B9D1: variants seen among roughly 807,000 people sequenced by gnomAD.
B9D1 encodes B9 domain-containing protein 1.
In B9D1, 20 loss-of-function variants were observed where a neutral mutation model predicts 26.1. That is an observed-to-expected ratio of 0.77 (90% CI 0.54 to 1.12). B9D1 has a LOEUF of 1.12. Ranked by LOEUF, B9D1 falls within the 50% of genes most tolerant of loss-of-function variation. B9D1 has a pLI of 0.00. For synonymous variants in B9D1, 105 were observed against 103.1 expected (o/e 1.02, Z -0.11); for missense variants, 260 against 273.7 (o/e 0.95, Z 0.35).
downstream of B9D1, among the ~76,000 whole-genome samples, chr17:19,340,219 G>T (rs1176936090): frequency 6.6e-6 from 1 of 152,096 alleles, no homozygotes; most frequent in Non-Finnish European, 1.5e-5. Context: ...CGCCCCGGCT[G>T]GAGTGCAGTG....
chr17:19,344,633 G>C (rs1197514644), intron 5 of B9D1: 1 of 178,550 alleles, frequency 5.6e-6, no homozygotes, highest in Non-Finnish European at 1.2e-5. Context: ...CAGCTCCCAA[G>C]GTCCCCCCAC....
intron 1 of B9D1, among the ~76,000 whole-genome samples, chr17:19,369,260 G>A (rs937064619): frequency 1.3e-5 from 2 of 152,168 alleles, no homozygotes; most frequent in Non-Finnish European, 2.9e-5. Context: ...TCCAGGCAAA[G>A]AGCATAGTCG....
rs1911820397 is a variant in B9D1 at position 19,370,138 on chromosome 17, C to T, written c.-298+7721G>A. 6.6e-6 allele frequency among the ~76,000 whole-genome samples: 1 copy of T among 152,242 alleles called. No individual in the cohort carries two copies. Among genetic ancestry groups the T allele is most frequent in the Non-Finnish European group, 1.5e-5 (1 of 68,032 alleles). ...CGACGGCCACCTCCCATCGCCCTTT[C>T]ATTCTTCATGGGCAGGGCCTTGCAA... On this transcript the variant is annotated intron_variant, in intron 1 of 5. Transcript: ENST00000477478. This position sits in a 1 kb window ranked among gnomAD's most constrained non-coding sequence, Gnocchi z 5.1.
At chr17:19,373,055 T>C (rs1425939411) in intron 1 of B9D1, among the ~76,000 whole-genome samples, 1 of 152,106 alleles carries the variant, frequency 6.6e-6, no homozygotes, top group Non-Finnish European at 1.5e-5. Flanking sequence ...GGACAGGTGA[T>C]TCAGGTCTGG....
downstream of B9D1, among the ~76,000 whole-genome samples, chr17:19,338,955 A>C (rs1252442742): frequency 1.3e-5 from 2 of 152,230 alleles, no homozygotes; most frequent in African/African-American, 4.8e-5. Flanking sequence ...TCAAGCACAC[A>C]CATAAAATTC....
intron 1 of B9D1, among the ~76,000 whole-genome samples, chr17:19,368,785 T>C (rs1190098074): frequency 6.6e-6 from 1 of 151,744 alleles, no homozygotes; most frequent in Non-Finnish European, 1.5e-5. Context: ...CTAAGAAAAA[T>C]ACAATAAATA....
At chr17:19,356,930 A>C (rs527304980) in intron 3 of B9D1, among the ~76,000 whole-genome samples, 1 of 152,292 alleles carries the variant, frequency 6.6e-6, no homozygotes, top group South Asian at 2.1e-4. Context: ...GAAACTTCCT[A>C]CTCATGGATG....
At chr17:19,357,979 G>T in intron 2 of B9D1, 28 bp from the exon 3 acceptor site, 2 of 1,579,616 alleles carry the variant, frequency 1.3e-6, no homozygotes, top group Non-Finnish European at 1.7e-6. Flanking sequence ...CAGACGGCTG[G>T]ATTCAGAGCA....
In B9D1 at chr17:19,347,334, G is replaced by C. The variant is rs774011341; in HGVS notation, c.342-3C>G. On this transcript the variant is annotated splice_polypyrimidine_tract_variant and splice_region_variant and intron_variant, in intron 4 of 6. Coordinates refer to ENST00000261499, the MANE Select transcript of B9D1 (RefSeq NM_015681.6). The surrounding 1 kb of genome is among the most constrained non-coding windows in gnomAD (Gnocchi z 4.3). The stretch of plus-strand genomic sequence containing the variant: ...ACATGGGGATGGTCCTTTTGTGCCT[G>C]AAACAAATGTTTTTGCAGACAGAGA... 1.9e-6 allele frequency: 3 copies of C among 1,614,190 alleles called. No homozygotes were observed. Among genetic ancestry groups the C allele is most frequent in the Non-Finnish European group, 2.5e-6 (3 of 1,180,022 alleles).
downstream of B9D1, among the ~76,000 whole-genome samples, chr17:19,338,016 T>G (rs1193532151): frequency 3.3e-5 from 5 of 152,208 alleles, no homozygotes; most frequent in South Asian, 1.0e-3. Flanking sequence ...ACATAGACAG[T>G]AAGGTCCTGT....
chr17:19,343,163 C>T, downstream of B9D1: 1 of 1,451,016 alleles, frequency 6.9e-7, no homozygotes, highest in Non-Finnish European at 9.0e-7. Context: ...GAAGGCAGCC[C>T]CAGGCCTAGG....
chr17:19,353,856 G>A (rs1383845454), intron 3 of B9D1, among the ~76,000 whole-genome samples: 1 of 151,838 alleles, frequency 6.6e-6, no homozygotes, highest in Non-Finnish European at 1.5e-5. Context: ...AGGAGAATCG[G>A]TTGAACTCAG....
At chr17:19,367,445 G>A (rs1289922839), upstream of B9D1, among the ~76,000 whole-genome samples, 1 of 151,624 alleles carries the variant, frequency 6.6e-6, no homozygotes, top group Non-Finnish European at 1.5e-5. Context: ...CCGAGTAGCT[G>A]GGATTATTGG....
chr17:19,354,587 T>C (rs1179255295), intron 3 of B9D1, among the ~76,000 whole-genome samples: 1 of 152,202 alleles, frequency 6.6e-6, no homozygotes, highest in African/African-American at 2.4e-5. Flanking sequence ...CTCAGCACTT[T>C]GGGAGGCTGA....
intron 1 of B9D1, among the ~76,000 whole-genome samples, chr17:19,360,842 A>G (rs1027052021): frequency 1.3e-5 from 2 of 152,212 alleles, no homozygotes; most frequent in African/African-American, 2.4e-5. Flanking sequence ...ACTGCCTGGC[A>G]CAGGGCTGGG....
intron 1 of B9D1, among the ~76,000 whole-genome samples, chr17:19,375,798 G>A (rs941333622): frequency 1.3e-5 from 2 of 152,176 alleles, no homozygotes; most frequent in African/African-American, 2.4e-5. Flanking sequence ...CTTAAATATT[G>A]CTGGTGAATT....
chr17:19,347,395 A>G lies in B9D1; in HGVS notation c.342-64T>C, dbSNP rs1908974982. 1.3e-6 allele frequency: 2 copies of G among 1,587,128 alleles called. No homozygotes were observed. The highest frequency in any genetic ancestry group is 1.7e-6 in the Non-Finnish European group (2 of 1,156,424). On this transcript the variant is annotated intron_variant, in intron 4 of 6. Coordinates refer to ENST00000261499, the MANE Select transcript of B9D1 (RefSeq NM_015681.6). The surrounding 1 kb of genome is among the most constrained non-coding windows in gnomAD (Gnocchi z 4.3). ...GAGACCTTTCTGAGCCTCCAGGGAG[A>G]AGAAACCCTCAGATCAGGCCAGTGC...
Position 19,347,328 on chromosome 17 carries a change from G to T in B9D1, c.345C>A (p.His115Gln). The T allele has an allele frequency of 1.9e-6, 3 of 1,614,212 alleles. No homozygotes were observed. Among genetic ancestry groups the T allele is most frequent in the Non-Finnish European group, 2.5e-6 (3 of 1,180,050 alleles). The change falls in exon 5 of 7, where the codon CAC becomes CAA. Residue 115 changes from histidine (H) to glutamine (Q), a missense_variant. Coordinates refer to ENST00000261499, the MANE Select transcript of B9D1 (RefSeq NM_015681.6). This position sits in a 1 kb window ranked among gnomAD's most constrained non-coding sequence, Gnocchi z 4.3. ...AVHVPFSPGR[H>Q]KRTIPMFVPE... is the part of the protein sequence containing the mutation. ...GGACAAACATGGGGATGGTCCTTTT[G>T]TGCCTGAAACAAATGTTTTTGCAGA... is the stretch of plus-strand genomic sequence containing the variant.
downstream of B9D1, among the ~76,000 whole-genome samples, chr17:19,338,704 C>T (rs12603532): frequency 0.047 from 7,170 of 152,240 alleles, 217 homozygotes; most frequent in East Asian, 0.11. Context: ...GAACTTCAAA[C>T]ACATGGAGAG....
Sources: allele counts gnomAD v4.1 joint callset (sites outside exome capture counted in the v4.1 genomes callset), GRCh38; gene constraint gnomAD v4.1.1; non-coding constraint Gnocchi (gnomAD v3.1); transcripts MANE v1.5; gene names NCBI Gene and HGNC (gene_info 2026-07-23, HGNC 2026-07-21).